The following MRPS28 variants were observed in gnomAD, a reference collection of about 807,000 sequenced individuals.
The protein encoded by MRPS28 is small ribosomal subunit protein bS1m.
A neutral mutation model predicts 10.8 loss-of-function variants in MRPS28; 7 were observed. That is an observed-to-expected ratio of 0.65 (90% CI 0.37 to 1.22). MRPS28 has a LOEUF of 1.22. MRPS28 is among the 50% of genes most tolerant of loss of function. The pLI is 0.02. For synonymous variants in MRPS28, 121 were observed against 93.3 expected, an observed-to-expected ratio of 1.30 and a Z score of -1.71; for missense variants, 265 against 232.9, an observed-to-expected ratio of 1.14 and a Z score of -0.90.
chr8:79,959,609 A>C (rs1450257409), intron 2 of MRPS28, among the ~76,000 whole-genome samples: 1 of 152,154 alleles, frequency 6.6e-6, no homozygotes, highest in African/African-American at 2.4e-5. Context: ...ACTTTGCAGC[A>C]AATAGAAATG....
chr8:79,960,048 CAG>C (rs1304208075), intron 2 of MRPS28, among the ~76,000 whole-genome samples: 6 of 152,216 alleles, frequency 3.9e-5, no homozygotes, highest in South Asian at 2.1e-4. Context: ...GGTGCAGTCT[CAG>C]AGAGACCACA....
intron 2 of MRPS28, among the ~76,000 whole-genome samples, chr8:79,998,445 C>G (rs554545321): frequency 1.3e-5 from 2 of 152,336 alleles, no homozygotes; most frequent in East Asian, 3.9e-4. Context: ...TTGCAACTCA[C>G]TCTAAGTAGA....
chr8:79,920,593 T>C (rs889684933), intron 2 of MRPS28, among the ~76,000 whole-genome samples: 1 of 152,240 alleles, frequency 6.6e-6, no homozygotes, highest in Non-Finnish European at 1.5e-5. Context: ...ATGTCTTCTT[T>C]TGAGAAGTAT....
chr8:79,965,948 T>G (rs1807493119), intron 2 of MRPS28, among the ~76,000 whole-genome samples: 1 of 152,044 alleles, frequency 6.6e-6, no homozygotes, highest in African/African-American at 2.4e-5. Flanking sequence ...GATTTTATTC[T>G]TAAAAGTCTG....
intron 2 of MRPS28, among the ~76,000 whole-genome samples, chr8:79,924,555 T>C (rs1214850525): frequency 2.0e-5 from 3 of 152,196 alleles, no homozygotes; most frequent in Non-Finnish European, 2.9e-5. Flanking sequence ...TCTTTTGCAG[T>C]TGGAAGACTT....
chr8:79,989,192 C>A (rs916187538), intron 2 of MRPS28, among the ~76,000 whole-genome samples: 8 of 152,052 alleles, frequency 5.3e-5, no homozygotes, highest in East Asian at 1.9e-4. Flanking sequence ...TAAGGGGAAA[C>A]ATGCTAAAAT....
At chr8:79,941,041 C>G (rs1806753877) in intron 2 of MRPS28, among the ~76,000 whole-genome samples, 2 of 152,144 alleles carry the variant, frequency 1.3e-5, no homozygotes, top group Admixed American at 6.5e-5. Context: ...TATAAAAGCA[C>G]TTGGGAGCCC....
At chr8:79,962,930 A>G (rs1357346063) in intron 2 of MRPS28, among the ~76,000 whole-genome samples, 1 of 152,154 alleles carries the variant, frequency 6.6e-6, no homozygotes, top group African/African-American at 2.4e-5. Flanking sequence ...ATTGATAGCC[A>G]TAAGCCTCAA....
At chr8:80,005,928 G>A (rs1808828651) in intron 1 of MRPS28, among the ~76,000 whole-genome samples, 1 of 152,208 alleles carries the variant, frequency 6.6e-6, no homozygotes, top group Non-Finnish European at 1.5e-5. Context: ...TCAACAAGAA[G>A]AGCTAACTAT....
intron 2 of MRPS28, among the ~76,000 whole-genome samples, chr8:79,982,851 A>C (rs1386765814): frequency 6.6e-6 from 1 of 152,104 alleles, no homozygotes; most frequent in East Asian, 1.9e-4. Flanking sequence ...CAGACAAACA[A>C]AAAGACAGCA....
chr8:80,003,244 A>G, intron 1 of MRPS28, 64 bp from the exon 2 acceptor site: 1 of 1,234,418 alleles, frequency 8.1e-7, no homozygotes, highest in Non-Finnish European at 1.1e-6. Context: ...AAAGTCTTAA[A>G]GAAATTTTCT....
chr8:79,930,499 C>T (rs1236467421), intron 2 of MRPS28, among the ~76,000 whole-genome samples: 1 of 152,196 alleles, frequency 6.6e-6, no homozygotes, highest in Non-Finnish European at 1.5e-5. Context: ...ACTTGTTTTG[C>T]AAACTGGGGG....
chr8:80,015,205 G>A (rs919997763), intron 1 of MRPS28, among the ~76,000 whole-genome samples: 15 of 152,268 alleles, frequency 9.9e-5, no homozygotes, highest in African/African-American at 3.4e-4. Context: ...TACTTCAGAC[G>A]GCAAGTTCTG....
At chr8:79,976,459 C>T (rs538364684) in intron 2 of MRPS28, among the ~76,000 whole-genome samples, 19 of 152,274 alleles carry the variant, frequency 1.2e-4, no homozygotes. Flanking sequence ...AATCCCAGCA[C>T]ATTGAGAGGC....
chr8:79,980,122 A>G (rs1807916550), intron 2 of MRPS28, among the ~76,000 whole-genome samples: 1 of 152,180 alleles, frequency 6.6e-6, no homozygotes, highest in Non-Finnish European at 1.5e-5. Flanking sequence ...AAAAGGTTCA[A>G]TAATGCCAGC....
At chr8:79,970,069 G>T (rs138737455) in intron 2 of MRPS28, among the ~76,000 whole-genome samples, 1 of 152,110 alleles carries the variant, frequency 6.6e-6, no homozygotes, top group Non-Finnish European at 1.5e-5. Context: ...GAACAACATC[G>T]ATATTCCAAC....
intron 2 of MRPS28, among the ~76,000 whole-genome samples, chr8:80,002,563 A>T (rs970539317): frequency 6.6e-6 from 1 of 152,198 alleles, no homozygotes; most frequent in Admixed American, 6.5e-5. Context: ...TACCTACATA[A>T]ACCACAACAG....
intron 1 of MRPS28, among the ~76,000 whole-genome samples, chr8:80,004,774 T>G (rs898074279): frequency 6.6e-6 from 1 of 152,190 alleles, no homozygotes; most frequent in East Asian, 1.9e-4. Flanking sequence ...GAATAACCAA[T>G]GCAGAGAAGT....
chr8:79,958,695 C>T (rs1243333018), intron 2 of MRPS28, among the ~76,000 whole-genome samples: 3 of 152,132 alleles, frequency 2.0e-5, no homozygotes, highest in African/African-American at 7.2e-5. Context: ...TCTGTTAACA[C>T]AGCTAAAATA....
Sources: gnomAD v4.1 joint callset for allele counts (sites outside exome capture counted in the v4.1 genomes callset) on GRCh38, gnomAD v4.1.1 for gene constraint, MANE v1.5 for transcripts, NCBI Gene and HGNC (gene_info 2026-07-23, HGNC 2026-07-21) for gene names.